CTNNBL1: variants seen among roughly 807,000 people sequenced by gnomAD.
The protein encoded by CTNNBL1 is beta-catenin-like protein 1.
A neutral mutation model predicts 72.7 loss-of-function variants in CTNNBL1; 31 were observed. That is an observed-to-expected ratio of 0.43 (90% CI 0.32 to 0.58). CTNNBL1 has a LOEUF of 0.58. Ranked by LOEUF, CTNNBL1 falls within the 20% of genes least tolerant of loss-of-function variation. CTNNBL1 has a pLI of 0.08. For missense variants in CTNNBL1, 534 were observed against 725.1 expected, an observed-to-expected ratio of 0.74 and a Z score of 3.03; for synonymous variants, 240 against 267.3, an observed-to-expected ratio of 0.90 and a Z score of 1.00.
intron 5 of CTNNBL1, among the ~76,000 whole-genome samples, chr20:37,760,250 G>GAGAGT (rs2073404070): frequency 1.3e-5 from 2 of 152,118 alleles, no homozygotes; most frequent in Non-Finnish European, 2.9e-5. Flanking sequence ...AGATGACTTT[G>GAGAGT]GACTTCTTGA....
intron 11 of CTNNBL1, among the ~76,000 whole-genome samples, chr20:37,808,860 A>G (rs550267215): frequency 6.6e-6 from 1 of 152,164 alleles, no homozygotes; most frequent in South Asian, 2.1e-4. Context: ...CACTGCTGTC[A>G]TCTTTTCTGC....
At chr20:37,859,749 G>A in intron 13 of CTNNBL1, 150 bp from the exon 14 acceptor site, 1 of 709,712 alleles carries the variant, frequency 1.4e-6, no homozygotes, top group Non-Finnish European at 2.3e-6. Flanking sequence ...TACTTTAAAG[G>A]GAGATGTAGA....
intron 10 of CTNNBL1, 127 bp downstream of exon 10, chr20:37,779,462 A>T: frequency 1.9e-6 from 2 of 1,038,570 alleles, no homozygotes; most frequent in Non-Finnish European, 2.9e-6. Flanking sequence ...CTGAAGAGTA[A>T]AGTCTTCAGG....
chr20:37,839,705 C>G (rs960306221), intron 11 of CTNNBL1, among the ~76,000 whole-genome samples: 1 of 152,138 alleles, frequency 6.6e-6, no homozygotes, highest in African/African-American at 2.4e-5. Flanking sequence ...TTTGAGAATT[C>G]GATACAGCAT....
chr20:37,749,271 C>T (rs1482413075), intron 4 of CTNNBL1, among the ~76,000 whole-genome samples: 1 of 152,164 alleles, frequency 6.6e-6, no homozygotes, highest in Non-Finnish European at 1.5e-5. Flanking sequence ...TCTGGAAACA[C>T]CACTCTCATT....
chr20:37,766,887 G>A (rs933719852), intron 6 of CTNNBL1, among the ~76,000 whole-genome samples: 2 of 152,206 alleles, frequency 1.3e-5, no homozygotes, highest in Non-Finnish European at 1.5e-5. Context: ...ATAAAGTCAT[G>A]GAAGATTAAA....
At chr20:37,847,745 A>G (rs976223963) in intron 13 of CTNNBL1, 3 of 152,532 alleles carry the variant, frequency 2.0e-5, no homozygotes, top group Non-Finnish European at 4.4e-5. Flanking sequence ...TCCTGGGAAA[A>G]TTATACTCAG....
At position 37,788,796 on chromosome 20, in the gene CTNNBL1, A is replaced by G. The variant is rs1449774859; in HGVS notation, c.1031+9461A>G. On this transcript the variant is annotated intron_variant, in intron 10 of 15. Coordinates refer to ENST00000361383, the MANE Select transcript of CTNNBL1 (RefSeq NM_030877.5). Reference sequence around the variant, plus strand: ...TAAGAAGTCCTTCATGCAGATTTGTAGTCTCTGAGCTTTCATTTCCAGGAG... The same window carrying G: ...TAAGAAGTCCTTCATGCAGATTTGTGGTCTCTGAGCTTTCATTTCCAGGAG... Among the ~76,000 whole-genome samples the G allele has an allele frequency of 2.0e-5, 3 of 152,208 alleles. No homozygotes were observed. In the East Asian group the frequency reaches 5.8e-4, roughly 29 times the overall value.
At chr20:37,820,692 G>T (rs1600508683) in intron 11 of CTNNBL1, among the ~76,000 whole-genome samples, 2 of 152,268 alleles carry the variant, frequency 1.3e-5, no homozygotes, top group South Asian at 4.1e-4. Context: ...CTGCCACCTT[G>T]TGAAGAAGGT....
intron 11 of CTNNBL1, among the ~76,000 whole-genome samples, chr20:37,817,727 A>G (rs2072072654): frequency 6.6e-6 from 1 of 152,244 alleles, no homozygotes; most frequent in Non-Finnish European, 1.5e-5. Context: ...ATTTCTAACC[A>G]GCCCCCAGGT....
chr20:37,731,342 T>C (rs1001026236), intron 1 of CTNNBL1, among the ~76,000 whole-genome samples: 2 of 152,104 alleles, frequency 1.3e-5, no homozygotes, highest in African/African-American at 4.8e-5. Context: ...TTCAAGCGAT[T>C]CTCCTGCCTC....
At chr20:37,809,680 G>T (rs2071992145) in intron 11 of CTNNBL1, among the ~76,000 whole-genome samples, 1 of 152,184 alleles carries the variant, frequency 6.6e-6, no homozygotes, top group African/African-American at 2.4e-5. Context: ...TTCTTGATCA[G>T]AAGACCTTGG....
rs746181051 is a variant in CTNNBL1, at chr20:37,732,872, C to A, written c.31-7C>A. 10 of 1,611,366 alleles carry A rather than the reference C, an allele frequency of 6.2e-6. No homozygotes were observed. The highest frequency in any genetic ancestry group is 1.7e-5 in the Admixed American group (1 of 59,672). ...AGCTCTAAAATCTTATGTTTCTTTT[C>A]TCTCAGCCCAATAGGGGCACAAAAC... is the stretch of plus-strand genomic sequence containing the variant. On this transcript the variant is annotated splice_region_variant and splice_polypyrimidine_tract_variant and intron_variant, in intron 1 of 15. Transcript: ENST00000361383.
chr20:37,864,635 T>C (rs2072521822), intron 15 of CTNNBL1, among the ~76,000 whole-genome samples: 2 of 152,196 alleles, frequency 1.3e-5, no homozygotes, highest in Admixed American at 6.5e-5. Flanking sequence ...GCCTGAGGAC[T>C]GTGGGCCCTC....
At chr20:37,728,542 C>G (rs913013698) in intron 1 of CTNNBL1, among the ~76,000 whole-genome samples, 1 of 152,194 alleles carries the variant, frequency 6.6e-6, no homozygotes, top group Non-Finnish European at 1.5e-5. Flanking sequence ...AATCCCAACT[C>G]TTATTATTCA....
intron 11 of CTNNBL1, among the ~76,000 whole-genome samples, chr20:37,826,429 T>A (rs1204635386): frequency 6.6e-6 from 1 of 152,214 alleles, no homozygotes; most frequent in African/African-American, 2.4e-5. Flanking sequence ...TCATCACAAC[T>A]GAAAGATGAG....
intron 1 of CTNNBL1, among the ~76,000 whole-genome samples, chr20:37,702,925 A>G (rs2072856276): frequency 6.6e-6 from 1 of 152,136 alleles, no homozygotes; most frequent in South Asian, 2.1e-4. Context: ...CCTTCTGGAA[A>G]GCTCTTGTTC....
chr20:37,843,920 A>G (rs1418931777), intron 13 of CTNNBL1, among the ~76,000 whole-genome samples: 2 of 152,234 alleles, frequency 1.3e-5, no homozygotes, highest in East Asian at 3.9e-4. Flanking sequence ...CAGAGACTCT[A>G]AATTCTGAGG....
At chr20:37,798,498 T>G (rs951306073) in intron 10 of CTNNBL1, among the ~76,000 whole-genome samples, 13 of 152,082 alleles carry the variant, frequency 8.5e-5, no homozygotes, top group Admixed American at 3.9e-4. Context: ...TCAAATAAAG[T>G]CAACCCAAGA....
Sources: allele counts gnomAD v4.1 joint callset (sites outside exome capture counted in the v4.1 genomes callset), GRCh38; gene constraint gnomAD v4.1.1; transcripts MANE v1.5; gene names NCBI Gene and HGNC (gene_info 2026-07-23, HGNC 2026-07-21).